Variants in SERPINI1 observed in about 807,000 individuals in gnomAD.
SERPINI1 encodes serpin family I member 1.
In SERPINI1, 19 loss-of-function variants were observed where a neutral mutation model predicts 41.1. The observed-to-expected ratio is 0.46, with a 90% CI of 0.32 to 0.68. The LOEUF is 0.68. SERPINI1 is among the 30% of genes least tolerant of loss of function. SERPINI1 has a pLI of 0.03. For missense variants in SERPINI1, 460 were observed against 479.2 expected (o/e 0.96, Z 0.37); for synonymous variants, 138 against 156.6 (o/e 0.88, Z 0.89).
At chr3:167,819,996 G>C (rs1560019059) in intron 6 of SERPINI1, among the ~76,000 whole-genome samples, 1 of 152,174 alleles carries the variant, frequency 6.6e-6, no homozygotes, top group Non-Finnish European at 1.5e-5. Context: ...CCCCAAGATT[G>C]AATGCCATTT....
At chr3:167,765,483 C>T (rs548741555) in intron 1 of SERPINI1, among the ~76,000 whole-genome samples, 16 of 152,338 alleles carry the variant, frequency 1.1e-4, no homozygotes, top group East Asian at 3.9e-4. Context: ...GCACACAGCA[C>T]GGGGTTCCTG....
chr3:167,759,399 G>GATATATATATATATATAT (rs1364573755), intron 1 of SERPINI1, among the ~76,000 whole-genome samples: 2 of 81,580 alleles, frequency 2.5e-5, no homozygotes, highest in Non-Finnish European at 5.0e-5. Context: ...AAGAAAATGT[G>GATATATATATATATATAT]GTATATATAT....
At chr3:167,781,414 G>A (rs1300900027) in intron 1 of SERPINI1, among the ~76,000 whole-genome samples, 1 of 151,904 alleles carries the variant, frequency 6.6e-6, no homozygotes, top group Non-Finnish European at 1.5e-5. Flanking sequence ...GATTGATGTA[G>A]TCATTCTTTT....
chr3:167,772,065 TC>T (rs1726773951), intron 1 of SERPINI1, among the ~76,000 whole-genome samples: 1 of 152,234 alleles, frequency 6.6e-6, no homozygotes, highest in African/African-American at 2.4e-5. Context: ...TGTTATAGTA[TC>T]TTCAACTTAA....
rs10049059 is a variant in SERPINI1, at chr3:167,763,768, G to A, written c.-18-25343G>A. ...GTTTGGTGATGTAACCCCCAAACTG[G>A]ATTTTAACCATCTCCTAGGAAATTC... On this transcript the variant is annotated intron_variant, in intron 1 of 8. Coordinates refer to ENST00000446050, the MANE Select transcript of SERPINI1 (RefSeq NM_001122752.2). 9.7e-3 allele frequency among the ~76,000 whole-genome samples: 1,475 copies of A among 152,198 alleles called. 11 individuals are homozygous for A. Among genetic ancestry groups the A allele is most frequent in the Admixed American group, 0.019 (295 of 15,282 alleles).
intron 1 of SERPINI1, among the ~76,000 whole-genome samples, chr3:167,757,414 T>C (rs2108537988): frequency 6.6e-6 from 1 of 152,324 alleles, no homozygotes; most frequent in South Asian, 2.1e-4. Context: ...CATAGGAATT[T>C]CTGTTATACA....
chr3:167,767,229 C>T (rs1726595495), intron 1 of SERPINI1, among the ~76,000 whole-genome samples: 1 of 152,212 alleles, frequency 6.6e-6, no homozygotes, highest in African/African-American at 2.4e-5. Context: ...ATCTACTCTG[C>T]CTGTGCTCTA....
At chr3:167,744,791 T>TATATA (rs1270113389) in intron 1 of SERPINI1, among the ~76,000 whole-genome samples, 2 of 54,402 alleles carry the variant, frequency 3.7e-5, no homozygotes, top group East Asian at 9.5e-4. Flanking sequence ...ACTATGGTTA[T>TATATA]ATATATATAT....
At chr3:167,742,954 A>G (rs2108529644) in intron 1 of SERPINI1, among the ~76,000 whole-genome samples, 1 of 152,084 alleles carries the variant, frequency 6.6e-6, no homozygotes, top group East Asian at 1.9e-4. Context: ...TCAGAAACTG[A>G]TGGTATCTCC....
intron 1 of SERPINI1, among the ~76,000 whole-genome samples, chr3:167,774,664 TA>T (rs1055181929): frequency 6.6e-6 from 1 of 152,144 alleles, no homozygotes; most frequent in Non-Finnish European, 1.5e-5. Context: ...CATAGGAGCC[TA>T]AACCCTATTG....
chr3:167,780,403 G>C (rs1727083596), intron 1 of SERPINI1, among the ~76,000 whole-genome samples: 1 of 152,122 alleles, frequency 6.6e-6, no homozygotes, highest in African/African-American at 2.4e-5. Context: ...GGTTTTGATA[G>C]CTTACCGCCT....
rs1169606413 is a variant in SERPINI1 at position 167,761,558 on chromosome 3, A to G, written c.-19+25735A>G. ...TATAGTCTACTCATGTCCTAATTCCATAAGACATTAGAGTAATTTCTGTTG... is the reference window on the plus strand; with the variant it reads ...TATAGTCTACTCATGTCCTAATTCCGTAAGACATTAGAGTAATTTCTGTTG... On this transcript the variant is annotated intron_variant, in intron 1 of 8. Coordinates refer to ENST00000446050, the MANE Select transcript of SERPINI1 (RefSeq NM_001122752.2). Among the ~76,000 whole-genome samples the G allele has an allele frequency of 2.6e-5, 4 of 152,316 alleles. No homozygotes were observed. In the East Asian group the frequency reaches 5.8e-4, roughly 22 times the overall value.
chr3:167,778,383 C>T (rs1727024211), intron 1 of SERPINI1, among the ~76,000 whole-genome samples: 1 of 152,144 alleles, frequency 6.6e-6, no homozygotes, highest in Non-Finnish European at 1.5e-5. Context: ...CCTGAGATCA[C>T]AAAGGCTATG....
At chr3:167,787,865 A>G (rs1727367053) in intron 1 of SERPINI1, among the ~76,000 whole-genome samples, 1 of 152,224 alleles carries the variant, frequency 6.6e-6, no homozygotes, top group African/African-American at 2.4e-5. Flanking sequence ...TGGAGTTACA[A>G]ATAAATGTTA....
At chr3:167,789,419 T>C in intron 2 of SERPINI1, 41 bp downstream of exon 2, 1 of 1,610,964 alleles carries the variant, frequency 6.2e-7, no homozygotes, top group South Asian at 1.1e-5. Flanking sequence ...CTTTTGAATT[T>C]GACTTTGACT....
Position 167,801,663 on chromosome 3 carries a change from A to G in SERPINI1, c.882-5581A>G, listed in dbSNP as rs1219649460. 2.6e-5 allele frequency among the ~76,000 whole-genome samples: 4 copies of G among 152,212 alleles called. No homozygotes were observed. The South Asian group carries it at 6.2e-4, about 24-fold the overall frequency. The stretch of plus-strand genomic sequence containing the variant: ...CATCATGGAAATCATTAAATAATAT[A>G]TTATTCATAAAAGGATTTGCATAGT... On this transcript the variant is annotated intron_variant, in intron 5 of 8. Coordinates refer to ENST00000446050, the MANE Select transcript of SERPINI1 (RefSeq NM_001122752.2).
chr3:167,793,838 A>ATATGTGTGTGTG (rs1727620859), intron 4 of SERPINI1, among the ~76,000 whole-genome samples: 2 of 141,238 alleles, frequency 1.4e-5, no homozygotes, highest in African/African-American at 5.3e-5. Context: ...GGCCATATGT[A>ATATGTGTGTGTG]TGTGTGTGTG....
At chr3:167,771,993 G>A (rs996418747) in intron 1 of SERPINI1, among the ~76,000 whole-genome samples, 5 of 152,210 alleles carry the variant, frequency 3.3e-5, no homozygotes, top group Admixed American at 6.5e-5. Flanking sequence ...ATAGTACGAG[G>A]CTTGAAGCCT....
At chr3:167,742,174 T>C (rs1270678898) in intron 1 of SERPINI1, among the ~76,000 whole-genome samples, 2 of 152,128 alleles carry the variant, frequency 1.3e-5, no homozygotes, top group South Asian at 4.1e-4. Flanking sequence ...TAATTAGTAA[T>C]ATAAAATTGA....
Sources: allele counts gnomAD v4.1 joint callset (sites outside exome capture counted in the v4.1 genomes callset), GRCh38; gene constraint gnomAD v4.1.1; transcripts MANE v1.5; gene names NCBI Gene and HGNC (gene_info 2026-07-23, HGNC 2026-07-21).